DNAH17: variants seen among roughly 807,000 people sequenced by gnomAD.
DNAH17 encodes dynein axonemal heavy chain 17.
A neutral mutation model predicts 485.6 loss-of-function variants in DNAH17; 376 were observed. The ratio of observed to expected loss-of-function variants is 0.77; its 90% CI spans 0.71 to 0.84. DNAH17 has a LOEUF of 0.84. Among genes scored for constraint, DNAH17 ranks in the 40% least tolerant of loss-of-function variants. DNAH17 has a pLI of 0.00. For synonymous variants in DNAH17, 3,031 were observed against 2,405.9 expected (o/e 1.26, Z -7.60); for missense variants, 6,370 against 5,839.3 (o/e 1.09, Z -2.96).
At chr17:78,465,754 G>A (rs867598428) in intron 56 of DNAH17, among the ~76,000 whole-genome samples, 24 of 142,472 alleles carry the variant, frequency 1.7e-4, no homozygotes, top group African/African-American at 6.7e-4. Flanking sequence ...GTCCGGGAGG[G>A]AGGTGGGGGC....
At chr17:78,514,398 G>A (rs4969137) in intron 26 of DNAH17, among the ~76,000 whole-genome samples, 18,361 of 151,072 alleles carry the variant, frequency 0.12, 1,417 homozygotes, top group Middle Eastern at 0.19. Context: ...CCAGCTACTT[G>A]GGAGGCTAAG....
chr17:78,479,884 T>G (rs1053177461), intron 49 of DNAH17, among the ~76,000 whole-genome samples: 1 of 152,146 alleles, frequency 6.6e-6, no homozygotes, highest in African/African-American at 2.4e-5. Context: ...GGGCTCAGAG[T>G]ACAGGCCTGG....
chr17:78,429,126 A>G lies in DNAH17; in HGVS notation c.12400T>C (p.Tyr4134His), dbSNP rs765946632. The G allele has an allele frequency of 6.2e-7, 1 of 1,612,926 alleles. No individual in the cohort carries two copies. The highest frequency in any genetic ancestry group is 1.1e-5 in the South Asian group (1 of 91,042). The change falls in exon 76 of 81, where the codon TAC becomes CAC. Residue 4134 changes from tyrosine to histidine, a missense_variant. By Grantham distance (83) the Tyr-to-His change is moderately conservative (BLOSUM62 2). Transcript: ENST00000389840. ...PGFQIPPNLDYKGYHEYIDEN... is the reference protein window; with the variant it reads ...PGFQIPPNLDHKGYHEYIDEN... The stretch of plus-strand genomic sequence containing the variant: ...GTTTAACTTGTCATCCTTACCTTGT[A>G]GTCCAGGTTGGGGGGGATCTGAAAG...
intron 35 of DNAH17, 189 bp downstream of exon 35, chr17:78,500,995 T>TC: frequency 1.7e-6 from 1 of 592,894 alleles, no homozygotes; most frequent in South Asian, 4.0e-5. Context: ...GCAGGAACTC[T>TC]CCCAAGGCCA....
intron 70 of DNAH17, 42 bp from the exon 71 acceptor site, chr17:78,444,839 C>G: frequency 1.3e-6 from 2 of 1,526,544 alleles, no homozygotes. Context: ...TTCCCACTTA[C>G]CCGGGTCCCG....
intron 74 of DNAH17, among the ~76,000 whole-genome samples, chr17:78,436,953 T>G (rs1373921476): frequency 1.3e-5 from 2 of 152,084 alleles, no homozygotes; most frequent in Non-Finnish European, 2.9e-5. Context: ...AAGAGTCAGG[T>G]GAGGACAGAC....
At chr17:78,488,643 T>C (rs1375879608) in intron 44 of DNAH17, among the ~76,000 whole-genome samples, 1 of 152,026 alleles carries the variant, frequency 6.6e-6, no homozygotes, top group African/African-American at 2.4e-5. Flanking sequence ...AGGATGGTGG[T>C]GCTACAAAAG....
chr17:78,438,508 A>AT (rs1287420650), intron 73 of DNAH17, among the ~76,000 whole-genome samples: 1 of 110,522 alleles, frequency 9.0e-6, no homozygotes, highest in Non-Finnish European at 1.9e-5. Flanking sequence ...TTTTTTTTTT[A>AT]TTTTTTTGAG....
At position 78,491,552 on chromosome 17, in the gene DNAH17, A is replaced by C. The variant is rs781283982; in HGVS notation, c.6560T>G (p.Met2187Arg). 1 of 1,614,012 alleles carries C rather than the reference A, an allele frequency of 6.2e-7. No individual in the cohort carries two copies. The highest frequency in any genetic ancestry group is 1.7e-5 in the Admixed American group (1 of 60,016). Residue 2187 changes from methionine to arginine, a missense_variant, in exon 43 of 81, where the codon ATG (methionine) becomes AGG (arginine). Coordinates refer to ENST00000389840, the MANE Select transcript of DNAH17 (RefSeq NM_173628.4). ...ATGGGTGATGTTGGCCAGGTCTCGC[A>C]TGATGGTGGAGAACAGGCCTGGGGG... ...EWKDGLFSTI[M>R]RDLANITHDG... is the part of the protein sequence containing the mutation.
intron 31 of DNAH17, among the ~76,000 whole-genome samples, chr17:78,503,280 C>T (rs565032855): frequency 1.1e-4 from 16 of 146,366 alleles, no homozygotes; most frequent in South Asian, 8.8e-4. Flanking sequence ...CCCGGGTTCA[C>T]GCCATTCTCC....
Position 78,437,622 on chromosome 17 carries a change from C to T in DNAH17, c.12033+19G>A, listed in dbSNP as rs78542601. The T allele has an allele frequency of 2.5e-5, 40 of 1,581,400 alleles. No individual in the cohort carries two copies. The East Asian group carries it at 4.3e-4, about 17-fold the overall frequency. On this transcript the variant is annotated intron_variant, in intron 74 of 80. Coordinates refer to ENST00000389840, the MANE Select transcript of DNAH17 (RefSeq NM_173628.4). The stretch of plus-strand genomic sequence containing the variant: ...CGTGGCATGGGATGGGGAGGCAGCC[C>T]GAGCAGGCGTGGCCCTACCTGGGTG...
chr17:78,450,485 T>G (rs926427769), intron 67 of DNAH17, 91 bp from the exon 68 acceptor site: 6 of 1,538,338 alleles, frequency 3.9e-6, no homozygotes, highest in Non-Finnish European at 5.3e-6. Context: ...CCTCGCTCCC[T>G]GGGAAGCCAC....
chr17:78,498,209 C>A (rs1392871638), intron 37 of DNAH17, among the ~76,000 whole-genome samples: 2 of 152,004 alleles, frequency 1.3e-5, no homozygotes, highest in Non-Finnish European at 2.9e-5. Context: ...GGCTCTCCAC[C>A]CAGGTTGTGG....
rs768213487 is a variant in DNAH17 at position 78,485,567 on chromosome 17, G to T, written c.7466C>A (p.Thr2489Asn). Residue 2489 changes from threonine to asparagine, a missense_variant, in exon 47 of 81, where the codon ACC becomes AAC. Coordinates refer to ENST00000389840, the MANE Select transcript of DNAH17 (RefSeq NM_173628.4). Reference protein sequence around the residue: ...VQAVPFNFYTTSAMLQGVLEK... With the variant: ...VQAVPFNFYTNSAMLQGVLEK... ...AGCCTCACCCTGCAGCATGGCTGAG[G>T]TCGTGTAGAAGTTGAAGGGCACAGC... The T allele has an allele frequency of 1.2e-6, 2 of 1,611,868 alleles. No homozygotes were observed. Among genetic ancestry groups the T allele is most frequent in the African/African-American group, 1.3e-5 (1 of 74,884 alleles).
chr17:78,510,569 G>A (rs1304010133), intron 26 of DNAH17, 63 bp from the exon 27 acceptor site: 20 of 1,589,536 alleles, frequency 1.3e-5, no homozygotes, highest in African/African-American at 1.3e-5. Context: ...GTGGGCAGAC[G>A]TCATGATCCT....
intron 37 of DNAH17, among the ~76,000 whole-genome samples, chr17:78,498,352 C>T (rs1359459229): frequency 1.3e-5 from 2 of 152,158 alleles, no homozygotes; most frequent in Non-Finnish European, 2.9e-5. Context: ...TTGTCCCAGG[C>T]CGCTAGGTCG....
At chr17:78,428,730 A>G in intron 76 of DNAH17, 23 bp from the exon 77 acceptor site, 1 of 1,612,532 alleles carries the variant, frequency 6.2e-7, no homozygotes, top group Non-Finnish European at 8.5e-7. Context: ...GCAGTTTGTA[A>G]GCAGAGGCAA....
chr17:78,466,698 A>C lies in DNAH17; in HGVS notation c.8897T>G (p.Val2966Gly). ...CTCCAGGAAGCGGGCGCTGACGGAC[A>C]CCAGCGCATCTTCCGGCCACTCGTG... ...WFHEWPEDALVSVSARFLEET... is the reference protein window; with the variant it reads ...WFHEWPEDALGSVSARFLEET... Residue 2966 changes from valine to glycine, a missense_variant, in exon 56 of 81, where the codon GTG becomes GGG. Coordinates refer to ENST00000389840, the MANE Select transcript of DNAH17 (RefSeq NM_173628.4). The C allele has an allele frequency of 4.3e-6, 7 of 1,612,444 alleles. No homozygotes were observed. The highest frequency in any genetic ancestry group is 5.9e-6 in the Non-Finnish European group (7 of 1,179,462).
Position 78,441,117 on chromosome 17 carries a change from G to T in DNAH17, c.11611C>A (p.Pro3871Thr), listed in dbSNP as rs749574456. ...AGGATGAAGAAGATTGACGTGGAGG[G>T]GCTGCTCTCCTCGTAGGACTTAGAA... ...EFSKSYEESS[P>T]STSIFFILSP... Residue 3871 changes from proline (P) to threonine (T), a missense_variant, in exon 72 of 81, where the codon CCC (proline) becomes ACC (threonine). Physicochemically the swap from Pro to Thr is conservative, Grantham distance 38 (BLOSUM62 -1). Coordinates refer to ENST00000389840, the MANE Select transcript of DNAH17 (RefSeq NM_173628.4). The T allele has an allele frequency of 6.2e-7, 1 of 1,613,874 alleles. No homozygotes were observed. Among genetic ancestry groups the T allele is most frequent in the Non-Finnish European group, 8.5e-7 (1 of 1,179,872 alleles).
Sources: gnomAD v4.1 joint callset for allele counts (sites outside exome capture counted in the v4.1 genomes callset) on GRCh38, gnomAD v4.1.1 for gene constraint, MANE v1.5 for transcripts, NCBI Gene and HGNC (gene_info 2026-07-23, HGNC 2026-07-21) for gene names.